Variants in PIAS2 observed in about 807,000 individuals in gnomAD.
PIAS2 encodes the protein protein inhibitor of activated STAT 2.
A neutral mutation model predicts 69.7 loss-of-function variants in PIAS2; 19 were observed. That is an observed-to-expected ratio of 0.27 (90% confidence interval 0.19 to 0.40). The LOEUF is 0.40. Among genes scored for constraint, PIAS2 ranks in the 10% least tolerant of loss-of-function variants. PIAS2 has a pLI of 1.00. For missense variants in PIAS2, 624 were observed against 757.0 expected (o/e 0.82, Z 2.06); for synonymous variants, 261 against 263.2 (o/e 0.99, Z 0.08).
At chr18:46,852,043 T>C (rs1184037700) in intron 5 of PIAS2, among the ~76,000 whole-genome samples, 1 of 152,212 alleles carries the variant, frequency 6.6e-6, no homozygotes. Flanking sequence ...ACAAAGTCCC[T>C]GAGGCTCTCC....
At position 46,897,451 on chromosome 18, in the gene PIAS2, G is replaced by T. The variant is rs146077307; in HGVS notation, c.25-6397C>A. Among the ~76,000 whole-genome samples the T allele has an allele frequency of 3.4e-4, 51 of 152,236 alleles. 1 individual carries two copies. Among genetic ancestry groups the T allele is most frequent in the African/African-American group, 1.2e-3 (51 of 41,550 alleles). On this transcript the variant is annotated intron_variant, in intron 1 of 13. Coordinates refer to ENST00000585916, the MANE Select transcript of PIAS2 (RefSeq NM_004671.5). ...GATGAGAAAATTTGAGCATCAAAAA[G>T]AATAATAACTGCATTGGATTCAAAC... is the stretch of plus-strand genomic sequence containing the variant.
chr18:46,809,771 AAAAT>A lies in PIAS2; in HGVS notation c.*2658_*2661del. ...ACTCAGCCTCAAAAAAAAAAAAAAA[AAAAT>A]TGATTTTAGGAGGCTGACAATTACA... On this transcript the variant is annotated 3_prime_UTR_variant, in exon 14 of 14. Transcript: ENST00000585916. 1 of 152,226 alleles carries A rather than the reference AAAAT, an allele frequency of 6.6e-6. No individual in the cohort carries two copies. The highest frequency in any genetic ancestry group is 1.5e-5 in the Non-Finnish European group (1 of 68,036). The allele number at this position is 152,226 out of a possible 1,614,324, so 9.4% of individuals were successfully genotyped here.
intron 1 of PIAS2, among the ~76,000 whole-genome samples, chr18:46,898,540 CAAT>C (rs1193623194): frequency 6.6e-6 from 1 of 151,840 alleles, no homozygotes; most frequent in Non-Finnish European, 1.5e-5. Context: ...AAATTTAAAC[CAAT>C]AATATTAAGG....
At chr18:46,857,863 A>T (rs1210340756) in intron 3 of PIAS2, among the ~76,000 whole-genome samples, 1 of 152,224 alleles carries the variant, frequency 6.6e-6, no homozygotes, top group Non-Finnish European at 1.5e-5. Flanking sequence ...AGCATTTACC[A>T]TATGCTAGGT....
At chr18:46,894,941 C>G (rs1464379432) in intron 1 of PIAS2, among the ~76,000 whole-genome samples, 3 of 151,904 alleles carry the variant, frequency 2.0e-5, no homozygotes, top group Admixed American at 6.6e-5. Flanking sequence ...GGCATGGTGG[C>G]AGGTGCCTGT....
At chr18:46,868,601 A>T (rs935759006) in intron 2 of PIAS2, among the ~76,000 whole-genome samples, 5 of 152,182 alleles carry the variant, frequency 3.3e-5, no homozygotes, top group African/African-American at 4.8e-5. Flanking sequence ...AGAACCAGAG[A>T]TTAACCGTGT....
chr18:46,896,969 A>C (rs186403076), intron 1 of PIAS2, among the ~76,000 whole-genome samples: 14 of 152,294 alleles, frequency 9.2e-5, no homozygotes, highest in African/African-American at 3.4e-4. Flanking sequence ...AATTTGGGGG[A>C]AGTAGGTGGG....
intron 1 of PIAS2, among the ~76,000 whole-genome samples, chr18:46,913,776 C>T (rs963541850): frequency 2.0e-5 from 3 of 152,198 alleles, no homozygotes; most frequent in Non-Finnish European, 4.4e-5. Context: ...AACTCAACTC[C>T]TGCTCTCCTC....
intron 2 of PIAS2, among the ~76,000 whole-genome samples, chr18:46,877,108 TATATC>T (rs1014938198): frequency 2.1e-4 from 32 of 152,318 alleles, no homozygotes; most frequent in African/African-American, 7.7e-4. Context: ...TGTAGGATGT[TATATC>T]ATACCCTGTG....
chr18:46,806,275 G>A lies in PIAS2; in HGVS notation c.*6158C>T, dbSNP rs1361844584. 3 of 150,502 alleles carry A rather than the reference G, an allele frequency of 2.0e-5. No individual in the cohort carries two copies. Among genetic ancestry groups the A allele is most frequent in the Non-Finnish European group, 4.4e-5 (3 of 67,698 alleles). The allele number at this position is 150,502 out of a possible 1,614,324, so 9.3% of individuals were successfully genotyped here. A position where few individuals can be genotyped will look rare whatever the true frequency, so the allele number is the denominator to read the frequency against. ...TAAACCTGTTTCATTTGTAAAATGG[G>A]GAATAACACCACTTTCCTCTGAGAA... On this transcript the variant is annotated 3_prime_UTR_variant, in exon 14 of 14. Transcript: ENST00000585916.
chr18:46,886,267 T>C (rs1375042381), intron 2 of PIAS2, among the ~76,000 whole-genome samples: 3 of 152,180 alleles, frequency 2.0e-5, no homozygotes, highest in Non-Finnish European at 4.4e-5. Context: ...TCTGAATCTT[T>C]CTCAGAATAA....
At chr18:46,830,338 T>C (rs904581651) in intron 9 of PIAS2, among the ~76,000 whole-genome samples, 22 of 152,098 alleles carry the variant, frequency 1.4e-4, no homozygotes, top group African/African-American at 5.1e-4. Flanking sequence ...TGTATTTGAA[T>C]TAAGTTCAAA....
intron 8 of PIAS2, among the ~76,000 whole-genome samples, chr18:46,840,181 A>T: frequency 6.6e-6 from 1 of 152,184 alleles, no homozygotes. Flanking sequence ...AAAAAGAAAA[A>T]AAAAATTAAG....
At chr18:46,833,339 C>T (rs1262656091) in intron 9 of PIAS2, among the ~76,000 whole-genome samples, 1 of 152,144 alleles carries the variant, frequency 6.6e-6, no homozygotes, top group Non-Finnish European at 1.5e-5. Flanking sequence ...AAAATCCAAA[C>T]TAATCTATAG....
chr18:46,861,508 C>T (rs189113325), intron 3 of PIAS2, among the ~76,000 whole-genome samples: 1 of 152,274 alleles, frequency 6.6e-6, no homozygotes, highest in African/African-American at 2.4e-5. Context: ...AGTAACTTTA[C>T]AGTGCAGATA....
At chr18:46,816,604 T>A (rs545741900) in intron 12 of PIAS2, 147 of 254,724 alleles carry the variant, frequency 5.8e-4, no homozygotes, top group Non-Finnish European at 8.5e-4. Context: ...GAGCTACAGG[T>A]GTGTGTCACT....
At chr18:46,880,902 C>A (rs1165378610) in intron 2 of PIAS2, among the ~76,000 whole-genome samples, 1 of 152,146 alleles carries the variant, frequency 6.6e-6, no homozygotes, top group Non-Finnish European at 1.5e-5. Context: ...ACAGTTTTCA[C>A]TGAACACTGC....
chr18:46,916,843 G>C (rs1384010162), intron 1 of PIAS2: 1 of 985,314 alleles, frequency 1.0e-6, no homozygotes, highest in African/African-American at 1.7e-5. Flanking sequence ...CTAAACGGTA[G>C]CATCAGCCAT....
intron 9 of PIAS2, among the ~76,000 whole-genome samples, chr18:46,833,280 T>C (rs1002105958): frequency 3.3e-5 from 5 of 152,148 alleles, no homozygotes; most frequent in Non-Finnish European, 5.9e-5. Context: ...TAAAAGAAGT[T>C]AGACAAAGGA....
Sources: allele counts gnomAD v4.1 joint callset (sites outside exome capture counted in the v4.1 genomes callset), GRCh38; gene constraint gnomAD v4.1.1; transcripts MANE v1.5; gene names NCBI Gene and HGNC (gene_info 2026-07-23, HGNC 2026-07-21).